C1orf198: variants seen among roughly 807,000 people sequenced by gnomAD.
C1orf198 encodes the protein uncharacterized protein C1orf198.
A neutral mutation model predicts 31.4 loss-of-function variants in C1orf198; 17 were observed. The ratio of observed to expected loss-of-function variants is 0.54; its 90% CI spans 0.37 to 0.81. The LOEUF is 0.81. Among genes scored for constraint, C1orf198 ranks in the 40% least tolerant of loss-of-function variants. C1orf198 has a pLI of 0.00. For missense variants in C1orf198, 401 were observed against 450.3 expected (o/e 0.89, Z 0.99); for synonymous variants, 175 against 193.8 (o/e 0.90, Z 0.81).
chr1:230,868,618 T>G (rs1670184223), upstream of C1orf198: 6 of 791,390 alleles, frequency 7.6e-6, no homozygotes, highest in South Asian at 1.2e-4. Context: ...AACCCCGCCC[T>G]GCACCGCCGC....
chr1:230,846,452 T>C (rs1310752543), intron 2 of C1orf198, among the ~76,000 whole-genome samples: 1 of 152,252 alleles, frequency 6.6e-6, no homozygotes, highest in African/African-American at 2.4e-5. Context: ...GGTGCATATT[T>C]GTCAGGGCAA....
chr1:230,843,936 A>C lies in C1orf198; in HGVS notation c.385-40T>G. ...GAGAAAGGACAGAAAAAAGAAAGAG[A>C]TCCTGAGAATCGACCGTCACAAGTG... On this transcript the variant is annotated intron_variant, in intron 2 of 3. Transcript: ENST00000366663. The surrounding 1 kb of genome is among the most constrained non-coding windows in gnomAD (Gnocchi z 4.9). 1 of 1,488,376 alleles carries C rather than the reference A, an allele frequency of 6.7e-7. No homozygotes were observed. The highest frequency in any genetic ancestry group is 8.9e-7 in the Non-Finnish European group (1 of 1,124,124). The allele number at this position is 1,488,376 out of a possible 1,614,324, so 92.2% of individuals were successfully genotyped here. A position where few individuals can be genotyped will look rare whatever the true frequency, so the allele number is the denominator to read the frequency against.
chr1:230,839,959 T>C, intron 3 of C1orf198, 51 bp from the exon 4 acceptor site: 1 of 1,514,910 alleles, frequency 6.6e-7, no homozygotes, highest in Non-Finnish European at 9.0e-7. Context: ...TTTTTTCAGT[T>C]ACGTATAATC....
rs557922338 is a variant in C1orf198, at chr1:230,837,590, C to T, written c.*2262G>A. ...TCATGGCAAATGGAGAGCTAAGAAA[C>T]CATCTTCGCATAGACTTTGCCCAAG... On this transcript the variant is annotated 3_prime_UTR_variant, in exon 4 of 4. Coordinates refer to ENST00000366663, the MANE Select transcript of C1orf198 (RefSeq NM_032800.3). 9 of 152,258 alleles carry T rather than the reference C, an allele frequency of 5.9e-5. No individual in the cohort carries two copies. The highest frequency in any genetic ancestry group is 2.0e-4 in the Admixed American group (3 of 15,310). 9.4% of individuals were successfully genotyped at this position (152,258 alleles called of 1,614,324 possible). A position where few individuals can be genotyped will look rare whatever the true frequency, so the allele number is the denominator to read the frequency against.
intron 1 of C1orf198, among the ~76,000 whole-genome samples, chr1:230,865,225 G>T (rs933915734): frequency 2.0e-5 from 3 of 152,160 alleles, no homozygotes; most frequent in Non-Finnish European, 1.5e-5. Flanking sequence ...TGCTGGCATG[G>T]CCAGGACAAG....
chr1:230,853,425 T>A (rs1669793689), intron 2 of C1orf198, among the ~76,000 whole-genome samples: 1 of 151,914 alleles, frequency 6.6e-6, no homozygotes, highest in African/African-American at 2.4e-5. Context: ...TTGGCAAATC[T>A]CTTCAAGCAG....
chr1:230,862,105 G>A (rs1670016709), intron 1 of C1orf198, among the ~76,000 whole-genome samples: 1 of 152,186 alleles, frequency 6.6e-6, no homozygotes, highest in Non-Finnish European at 1.5e-5. Context: ...TTCATCCAGG[G>A]TGGAACACGT....
chr1:230,864,198 G>A (rs1394610053), intron 1 of C1orf198, among the ~76,000 whole-genome samples: 3 of 152,110 alleles, frequency 2.0e-5, no homozygotes, highest in Non-Finnish European at 4.4e-5. Flanking sequence ...TAATGTACAG[G>A]TAAAAACTTT....
At position 230,862,838 on chromosome 1, in the gene C1orf198, G is replaced by A. The variant is rs1040916761; in HGVS notation, c.333+5342C>T. ...TCCATACAGTGGACAACCCAAGAGTGAACCCTAAACTATGGACTTTGGGTG... is the reference window on the plus strand; with the variant it reads ...TCCATACAGTGGACAACCCAAGAGTAAACCCTAAACTATGGACTTTGGGTG... On this transcript the variant is annotated intron_variant, in intron 1 of 3. Transcript: ENST00000366663. Among the ~76,000 whole-genome samples the A allele has an allele frequency of 3.3e-5, 5 of 152,308 alleles. No homozygotes were observed. The East Asian group carries it at 9.6e-4, about 29-fold the overall frequency.
In C1orf198 at chr1:230,840,254, A is replaced by G. The variant is rs946662843; in HGVS notation, c.928-346T>C. Among the ~76,000 whole-genome samples the G allele has an allele frequency of 6.6e-6, 1 of 152,238 alleles. No homozygotes were observed. The highest frequency in any genetic ancestry group is 2.4e-5 in the African/African-American group (1 of 41,458). ...TTTAAATTTATTCATCCTAAATAAGAGAACAAATGATAAAGATATTCCTTC... is the reference window on the plus strand; with the variant it reads ...TTTAAATTTATTCATCCTAAATAAGGGAACAAATGATAAAGATATTCCTTC... On this transcript the variant is annotated intron_variant, in intron 3 of 3. Transcript: ENST00000366663. This position sits in a 1 kb window ranked among gnomAD's most constrained non-coding sequence, Gnocchi z 4.0.
At chr1:230,867,409 C>CTA (rs1670144427) in intron 1 of C1orf198, among the ~76,000 whole-genome samples, 1 of 152,192 alleles carries the variant, frequency 6.6e-6, no homozygotes, top group African/African-American at 2.4e-5. Context: ...ATGACTGTCC[C>CTA]TCTAGCAGTC....
chr1:230,859,657 C>G (rs1175604445), intron 1 of C1orf198, among the ~76,000 whole-genome samples: 2 of 152,118 alleles, frequency 1.3e-5, no homozygotes, highest in Non-Finnish European at 2.9e-5. Context: ...TTATCAGAGG[C>G]CAGCGCTACA....
intron 1 of C1orf198, among the ~76,000 whole-genome samples, chr1:230,863,013 G>A (rs76372766): frequency 0.014 from 2,190 of 152,296 alleles, 22 homozygotes; most frequent in Non-Finnish European, 0.024. Flanking sequence ...TCAAAAAGAG[G>A]AGAGTAAGGA....
At chr1:230,856,237 T>A (rs1253535303) in intron 1 of C1orf198, 1 of 153,224 alleles carries the variant, frequency 6.5e-6, no homozygotes, top group Non-Finnish European at 1.4e-5. Flanking sequence ...GGAGCTCCCC[T>A]CCTCCCCAAC....
chr1:230,856,791 T>G (rs1444159964), intron 1 of C1orf198, among the ~76,000 whole-genome samples: 1 of 152,154 alleles, frequency 6.6e-6, no homozygotes, highest in Non-Finnish European at 1.5e-5. Context: ...CATATCCATA[T>G]CTCCCCAAAA....
At chr1:230,851,122 C>T (rs1177272599) in intron 2 of C1orf198, among the ~76,000 whole-genome samples, 3 of 152,122 alleles carry the variant, frequency 2.0e-5, no homozygotes, top group African/African-American at 4.8e-5. Context: ...CCCAAGGAGG[C>T]GTCTGGAAGG....
At position 230,839,824 on chromosome 1, in the gene C1orf198, GTTC is replaced by G. The variant is rs1326810453; in HGVS notation, c.*25_*27del. 6 of 1,598,410 alleles carry G rather than the reference GTTC, an allele frequency of 3.8e-6. No homozygotes were observed. In the African/African-American group the frequency reaches 8.1e-5, roughly 21 times the overall value. ...ACACCACTTTGGAAAACATTTTAGG[GTTC>G]TTCATTGTATTTTTCTAATACATTT... On this transcript the variant is annotated 3_prime_UTR_variant, in exon 4 of 4. Transcript: ENST00000366663.
At chr1:230,868,041 T>G in intron 1 of C1orf198, 139 bp downstream of exon 1, 2 of 551,898 alleles carry the variant, frequency 3.6e-6, no homozygotes, top group Non-Finnish European at 5.1e-6. Flanking sequence ...GGGGCTCCCC[T>G]CCCACCCACT....
At chr1:230,842,049 G>A (rs1405348972) in intron 3 of C1orf198, among the ~76,000 whole-genome samples, 2 of 152,162 alleles carry the variant, frequency 1.3e-5, no homozygotes, top group African/African-American at 4.8e-5. Flanking sequence ...AATACTATAT[G>A]GTGCTACTTA....
Sources: allele counts gnomAD v4.1 joint callset (sites outside exome capture counted in the v4.1 genomes callset), GRCh38; gene constraint gnomAD v4.1.1; non-coding constraint Gnocchi (gnomAD v3.1); transcripts MANE v1.5; gene names NCBI Gene and HGNC (gene_info 2026-07-23, HGNC 2026-07-21).